NRCAM: variants seen among roughly 807,000 people sequenced by gnomAD.
NRCAM encodes the protein NgCAM-related cell adhesion molecule.
A neutral mutation model predicts 156.5 loss-of-function variants in NRCAM; 83 were observed. That is an observed-to-expected ratio of 0.53 (90% CI 0.44 to 0.64). The LOEUF (loss-of-function observed/expected upper bound fraction) is 0.64, where lower values mean the gene tolerates loss of function less well. NRCAM is among the 30% of genes least tolerant of loss of function. NRCAM has a pLI of 0.00. For missense variants in NRCAM, 1,417 were observed against 1,597.3 expected (o/e 0.89, Z 1.92); for synonymous variants, 538 against 563.9 (o/e 0.95, Z 0.65).
intron 2 of NRCAM, among the ~76,000 whole-genome samples, chr7:108,334,173 T>C (rs1341481340): frequency 2.6e-5 from 4 of 152,250 alleles, no homozygotes; most frequent in Non-Finnish European, 5.9e-5. Flanking sequence ...TGTTTATGGA[T>C]GTGCCATTAC....
chr7:108,291,204 G>A (rs915861216), intron 3 of NRCAM, among the ~76,000 whole-genome samples: 1 of 152,106 alleles, frequency 6.6e-6, no homozygotes, highest in African/African-American at 2.4e-5. Context: ...TGAGTGTTCT[G>A]AATTAAACAT....
chr7:108,359,892 C>T lies in NRCAM; in HGVS notation c.-174+39544G>A, dbSNP rs534585946. 2.1e-4 allele frequency among the ~76,000 whole-genome samples: 32 copies of T among 152,244 alleles called. 1 individual carries two copies. The highest frequency in any genetic ancestry group is 3.4e-3 in the Middle Eastern group (1 of 294). On this transcript the variant is annotated intron_variant, in intron 2 of 32. Transcript: ENST00000379028. ...TCCCCTCCCATTCTCCAGTGGCAAC[C>T]GAGGTTCTGAATTTCATTCCTATAG...
At position 108,184,383 on chromosome 7, in the gene NRCAM, T is replaced by G. The variant is rs375278913; in HGVS notation, c.2233+34A>C. 1.4e-5 allele frequency: 23 copies of G among 1,613,674 alleles called. No individual in the cohort carries two copies. The African/African-American group carries it at 2.3e-4, about 16-fold the overall frequency. The stretch of plus-strand genomic sequence containing the variant: ...AGAGTGGAAAACTTTTTTATTATAT[T>G]TCGTACCCTAGAAGTCCCGCTTTCC... On this transcript the variant is annotated intron_variant, in intron 21 of 32. Transcript: ENST00000379028.
chr7:108,279,516 G>A (rs185850290), intron 3 of NRCAM, among the ~76,000 whole-genome samples: 12 of 150,886 alleles, frequency 8.0e-5, no homozygotes, highest in African/African-American at 2.9e-4. Context: ...TTTTTTTTTG[G>A]TTGTTGTTTG....
chr7:108,220,058 C>A (rs1331983485), intron 11 of NRCAM, among the ~76,000 whole-genome samples: 1 of 151,376 alleles, frequency 6.6e-6, no homozygotes, highest in East Asian at 1.9e-4. Context: ...ACACCAACAG[C>A]AACCAAGTAG....
chr7:108,154,455 A>G (rs1256343465), intron 32 of NRCAM, among the ~76,000 whole-genome samples: 1 of 152,186 alleles, frequency 6.6e-6, no homozygotes, highest in Non-Finnish European at 1.5e-5. Flanking sequence ...GTTTTTACAT[A>G]CAAAATCATA....
At chr7:108,391,454 G>A (rs2099759550) in intron 2 of NRCAM, among the ~76,000 whole-genome samples, 1 of 151,120 alleles carries the variant, frequency 6.6e-6, no homozygotes, top group Admixed American at 6.6e-5. Context: ...CCTTTATTTT[G>A]AGCCTATGTG....
intron 1 of NRCAM, among the ~76,000 whole-genome samples, chr7:108,406,767 C>A (rs2099808652): frequency 1.3e-5 from 2 of 152,190 alleles, no homozygotes; most frequent in African/African-American, 4.8e-5. Context: ...TGAAAAGCAA[C>A]TGAACTTGTT....
chr7:108,446,439 TTCAG>T (rs1325665510), intron 1 of NRCAM, among the ~76,000 whole-genome samples: 1 of 152,222 alleles, frequency 6.6e-6, no homozygotes, highest in Non-Finnish European at 1.5e-5. Context: ...TATTCATGTA[TTCAG>T]TCATTCATTC....
chr7:108,453,549 G>C lies in NRCAM; in HGVS notation c.-332+2694C>G, dbSNP rs540480455. On this transcript the variant is annotated intron_variant, in intron 1 of 32. Transcript: ENST00000379028. ...AGACCTCATCACTACCCTGCATTAC[G>C]AGGCTGAGCCCTATTGCAGTTGTTT... Among the ~76,000 whole-genome samples the C allele has an allele frequency of 2.0e-5, 3 of 152,300 alleles. No individual in the cohort carries two copies. The East Asian group carries it at 5.8e-4, about 29-fold the overall frequency.
intron 1 of NRCAM, among the ~76,000 whole-genome samples, chr7:108,455,459 C>T (rs917535350): frequency 2.0e-5 from 3 of 152,242 alleles, no homozygotes; most frequent in African/African-American, 7.2e-5. Flanking sequence ...TTCCAGGCAG[C>T]CCCCAGCCCG....
intron 2 of NRCAM, among the ~76,000 whole-genome samples, chr7:108,359,466 T>C (rs73420249): frequency 9.2e-4 from 140 of 152,220 alleles, no homozygotes; most frequent in African/African-American, 3.2e-3. Flanking sequence ...TGATTGGCAA[T>C]GGGAGATGGG....
intron 3 of NRCAM, among the ~76,000 whole-genome samples, chr7:108,272,664 C>T (rs897944702): frequency 1.3e-5 from 2 of 151,498 alleles, no homozygotes; most frequent in Non-Finnish European, 2.9e-5. Flanking sequence ...AAAAAGGTAA[C>T]ATATATATAT....
chr7:108,335,567 C>T (rs1036664824), intron 2 of NRCAM, among the ~76,000 whole-genome samples: 3 of 149,140 alleles, frequency 2.0e-5, no homozygotes, highest in Non-Finnish European at 3.0e-5. Context: ...GATCTCTCTT[C>T]TATTCCTTAG....
chr7:108,167,046 A>G lies in NRCAM; in HGVS notation c.3341T>C (p.Val1114Ala). The G allele has an allele frequency of 1.2e-6, 2 of 1,613,790 alleles. No individual in the cohort carries two copies. Among genetic ancestry groups the G allele is most frequent in the Non-Finnish European group, 1.7e-6 (2 of 1,179,778 alleles). Residue 1114 changes from valine to alanine, a missense_variant, in exon 30 of 33, where the codon GTA becomes GCA. Transcript: ENST00000379028. ...GSKEEWRKEI[V>A]NGSRSFFGLK... ...CCCAAAGAAGCTCCGAGAACCATTT[A>G]CAATTTCTTTTCTCCATTCTTCTTT...
In NRCAM at chr7:108,167,031, C is replaced by T; in HGVS notation, c.3356G>A (p.Ser1119Asn). ...CATTAGACCCTTTAACCCAAAGAAG[C>T]TCCGAGAACCATTTACAATTTCTTT... is the stretch of plus-strand genomic sequence containing the variant. Reference protein sequence around the residue: ...WRKEIVNGSRSFFGLKGLMPG... With the variant: ...WRKEIVNGSRNFFGLKGLMPG... The change falls in exon 30 of 33, where the codon AGC (serine) becomes AAC (asparagine). Residue 1119 changes from serine to asparagine, a missense_variant. By Grantham distance (46) the Ser-to-Asn change is conservative. Coordinates refer to ENST00000379028, the MANE Select transcript of NRCAM (RefSeq NM_001037132.4). The T allele has an allele frequency of 8.1e-6, 13 of 1,613,934 alleles. No individual in the cohort carries two copies. Among genetic ancestry groups the T allele is most frequent in the Non-Finnish European group, 1.0e-5 (12 of 1,179,848 alleles).
chr7:108,316,580 C>G (rs1006980086), intron 2 of NRCAM, among the ~76,000 whole-genome samples: 1 of 151,954 alleles, frequency 6.6e-6, no homozygotes, highest in African/African-American at 2.4e-5. Context: ...TCAAGACCAT[C>G]CTGTCTAACA....
At chr7:108,166,885 G>A (rs752152616) in intron 30 of NRCAM, 36 bp downstream of exon 30, 2 of 1,606,154 alleles carry the variant, frequency 1.2e-6, no homozygotes, top group South Asian at 2.2e-5. Flanking sequence ...CTCCACCTCT[G>A]AGCGGGAGCC....
intron 3 of NRCAM, among the ~76,000 whole-genome samples, chr7:108,250,484 A>C (rs116719597): frequency 1.1e-3 from 171 of 152,184 alleles, no homozygotes; most frequent in African/African-American, 4.0e-3. Flanking sequence ...GTAACAACAA[A>C]ATAAGCCAGG....
Sources: gnomAD v4.1 joint callset for allele counts (sites outside exome capture counted in the v4.1 genomes callset) on GRCh38, gnomAD v4.1.1 for gene constraint, MANE v1.5 for transcripts, NCBI Gene and HGNC (gene_info 2026-07-23, HGNC 2026-07-21) for gene names.